Variants in ATP6V1H observed in about 807,000 individuals in gnomAD.
ATP6V1H encodes ATPase H+ transporting V1 subunit H, also known as V-type proton ATPase subunit H.
ATP6V1H carries 39 observed loss-of-function variants against 71.7 expected under a neutral mutation model. That is an observed-to-expected ratio of 0.54 (90% CI 0.42 to 0.71). The LOEUF (loss-of-function observed/expected upper bound fraction) is 0.71, where lower values mean the gene tolerates loss of function less well. Ranked by LOEUF, ATP6V1H falls within the 30% of genes least tolerant of loss-of-function variation. The probability of loss-of-function intolerance (pLI) is 0.00; values close to 1 mark genes in which losing one functional copy is unlikely to be tolerated. For missense variants in ATP6V1H, 509 were observed against 594.9 expected (o/e 0.86, Z 1.50); for synonymous variants, 192 against 199.3 (o/e 0.96, Z 0.31).
chr8:53,757,109 A>C (rs2130258211), intron 11 of ATP6V1H, among the ~76,000 whole-genome samples: 1 of 152,334 alleles, frequency 6.6e-6, no homozygotes, highest in Middle Eastern at 3.4e-3. Flanking sequence ...ACTCTAACAG[A>C]AGAGTGGAAC....
At chr8:53,842,830 T>C (rs936561709) in intron 1 of ATP6V1H, 1 of 152,380 alleles carries the variant, frequency 6.6e-6, no homozygotes, top group African/African-American at 2.4e-5. Flanking sequence ...CTGACGTTTC[T>C]TCCCCCTGCG....
intron 5 of ATP6V1H, 129 bp from the exon 6 acceptor site, chr8:53,814,895 G>T: frequency 2.0e-6 from 1 of 499,794 alleles, no homozygotes; most frequent in Non-Finnish European, 3.5e-6. Context: ...AAAAATAATA[G>T]TTTATATTTC....
chr8:53,811,252 G>A, intron 6 of ATP6V1H, 35 bp from the exon 7 acceptor site: 2 of 1,590,856 alleles, frequency 1.3e-6, no homozygotes, highest in African/African-American at 2.7e-5. Context: ...ATTTAGTTTT[G>A]TTTTGATTTT....
intron 2 of ATP6V1H, chr8:53,839,906 C>T: frequency 9.1e-6 from 9 of 985,712 alleles, no homozygotes; most frequent in Non-Finnish European, 9.6e-6. Flanking sequence ...CACACCCACA[C>T]ACAGCATCTT....
At chr8:53,809,975 C>T (rs1043970568) in intron 7 of ATP6V1H, among the ~76,000 whole-genome samples, 1 of 152,148 alleles carries the variant, frequency 6.6e-6, no homozygotes, top group Non-Finnish European at 1.5e-5. Context: ...TCAAACACTT[C>T]AACCCATGCT....
At chr8:53,819,675 T>C (rs1227821165) in intron 4 of ATP6V1H, among the ~76,000 whole-genome samples, 3 of 105,428 alleles carry the variant, frequency 2.8e-5, no homozygotes, top group Non-Finnish European at 5.1e-5. Flanking sequence ...CATATATACA[T>C]ATGTATATAC....
intron 11 of ATP6V1H, among the ~76,000 whole-genome samples, chr8:53,761,513 T>C (rs1224916622): frequency 2.6e-5 from 4 of 152,188 alleles, no homozygotes; most frequent in Non-Finnish European, 2.9e-5. Flanking sequence ...AATAAAGATA[T>C]GCATAATGCT....
chr8:53,723,873 A>G (rs992790291), intron 13 of ATP6V1H, among the ~76,000 whole-genome samples: 3 of 152,228 alleles, frequency 2.0e-5, no homozygotes, highest in Non-Finnish European at 2.9e-5. Context: ...GTAAACAGAA[A>G]AGTTAGACTT....
At chr8:53,761,264 G>A (rs966061157) in intron 11 of ATP6V1H, among the ~76,000 whole-genome samples, 7 of 151,836 alleles carry the variant, frequency 4.6e-5, no homozygotes, top group Admixed American at 2.0e-4. Context: ...GTGAACCCAG[G>A]AGGTGGAGCT....
chr8:53,740,141 A>G (rs1011213327), intron 13 of ATP6V1H, among the ~76,000 whole-genome samples: 2 of 152,232 alleles, frequency 1.3e-5, no homozygotes, highest in Non-Finnish European at 2.9e-5. Context: ...CTACATTATC[A>G]AGAAACTTAA....
intron 5 of ATP6V1H, among the ~76,000 whole-genome samples, chr8:53,816,049 T>G (rs1810438058): frequency 6.6e-6 from 1 of 152,244 alleles, no homozygotes; most frequent in Non-Finnish European, 1.5e-5. Flanking sequence ...AAAACAAGCC[T>G]CTACAATTTT....
intron 8 of ATP6V1H, among the ~76,000 whole-genome samples, chr8:53,797,053 A>G (rs1809765672): frequency 6.6e-6 from 1 of 152,254 alleles, no homozygotes. Flanking sequence ...ATATCAGTAC[A>G]TAAACTGCTA....
chr8:53,763,440 C>A (rs754625288), intron 11 of ATP6V1H, among the ~76,000 whole-genome samples: 3 of 152,112 alleles, frequency 2.0e-5, no homozygotes, highest in African/African-American at 7.2e-5. Flanking sequence ...AAATTAAATA[C>A]GATGTAAACA....
At chr8:53,810,523 C>T (rs1340553400) in intron 7 of ATP6V1H, among the ~76,000 whole-genome samples, 2 of 152,060 alleles carry the variant, frequency 1.3e-5, no homozygotes, top group Admixed American at 6.5e-5. Context: ...AGGCGGATCA[C>T]GAGGTCAAGA....
chr8:53,765,734 C>T (rs1306923443), intron 11 of ATP6V1H, among the ~76,000 whole-genome samples: 4 of 152,092 alleles, frequency 2.6e-5, no homozygotes, highest in African/African-American at 9.7e-5. Context: ...AATGCAATCC[C>T]AATCAAAATC....
chr8:53,811,362 T>C, intron 6 of ATP6V1H, 145 bp from the exon 7 acceptor site: 1 of 614,612 alleles, frequency 1.6e-6, no homozygotes, highest in Non-Finnish European at 2.8e-6. Context: ...TCCTACTAAA[T>C]AAAAAGCAAG....
intron 9 of ATP6V1H, among the ~76,000 whole-genome samples, chr8:53,794,789 C>T (rs142834886): frequency 4.6e-4 from 70 of 152,300 alleles, no homozygotes; most frequent in Non-Finnish European, 6.6e-4. Flanking sequence ...GTGACCTCTA[C>T]GCCTCAGTAT....
chr8:53,819,766 T>C (rs1304245004), intron 4 of ATP6V1H, among the ~76,000 whole-genome samples: 1 of 145,490 alleles, frequency 6.9e-6, no homozygotes, highest in Non-Finnish European at 1.5e-5. Flanking sequence ...CACACATTTG[T>C]ATATACATAG....
chr8:53,749,665 A>G (rs1477065784), intron 12 of ATP6V1H, among the ~76,000 whole-genome samples: 2 of 151,954 alleles, frequency 1.3e-5, no homozygotes, highest in African/African-American at 2.4e-5. Context: ...TTAATCTTCT[A>G]TAATGGGAGG....
Sources: allele counts gnomAD v4.1 joint callset (sites outside exome capture counted in the v4.1 genomes callset), GRCh38; gene constraint gnomAD v4.1.1; transcripts MANE v1.5; gene names NCBI Gene and HGNC (gene_info 2026-07-23, HGNC 2026-07-21).